ATP10B: variants seen among roughly 807,000 people sequenced by gnomAD.
ATP10B encodes the protein phospholipid-transporting ATPase VB.
A neutral mutation model predicts 141.2 loss-of-function variants in ATP10B; 122 were observed. The ratio of observed to expected loss-of-function variants is 0.86; its 90% confidence interval spans 0.75 to 1.00. The LOEUF is 1.00. Among genes scored for constraint, ATP10B ranks in the 50% least tolerant of loss-of-function variants. The probability of loss-of-function intolerance (pLI) is 0.00; values close to 1 mark genes in which losing one functional copy is unlikely to be tolerated. For missense variants in ATP10B, 1,876 were observed against 1,825.3 expected (o/e 1.03, Z -0.51); for synonymous variants, 685 against 692.0 (o/e 0.99, Z 0.16).
intron 1 of ATP10B, among the ~76,000 whole-genome samples, chr5:160,811,509 G>T (rs1158998874): frequency 6.6e-6 from 1 of 152,106 alleles, no homozygotes; most frequent in African/African-American, 2.4e-5. Context: ...AAGAGCCCTT[G>T]GACTTTAAGG....
intron 3 of ATP10B, among the ~76,000 whole-genome samples, chr5:160,702,899 A>C (rs1032648645): frequency 6.6e-6 from 1 of 152,218 alleles, no homozygotes; most frequent in African/African-American, 2.4e-5. Context: ...ATAGTAGTTT[A>C]TGCCACCTCT....
At chr5:160,705,192 A>C (rs1764931873) in intron 3 of ATP10B, among the ~76,000 whole-genome samples, 1 of 152,030 alleles carries the variant, frequency 6.6e-6, no homozygotes, top group Admixed American at 6.6e-5. Flanking sequence ...TGCTGGGATT[A>C]CAGGCGTGAG....
intron 2 of ATP10B, among the ~76,000 whole-genome samples, chr5:160,771,704 A>G (rs1769916042): frequency 6.6e-6 from 1 of 152,192 alleles, no homozygotes. Flanking sequence ...AGAATACAAT[A>G]TTATTAACTA....
chr5:160,799,290 G>A (rs1245309706), intron 1 of ATP10B, among the ~76,000 whole-genome samples: 1 of 152,162 alleles, frequency 6.6e-6, no homozygotes, highest in East Asian at 1.9e-4. Flanking sequence ...CACACTGGGA[G>A]ATTAGTCATC....
At chr5:160,601,689 A>C (rs1757105783) in intron 21 of ATP10B, among the ~76,000 whole-genome samples, 1 of 152,210 alleles carries the variant, frequency 6.6e-6, no homozygotes, top group Admixed American at 6.5e-5. Context: ...CTCTTGACAC[A>C]GAATTATAGT....
intron 1 of ATP10B, among the ~76,000 whole-genome samples, chr5:160,788,738 T>C (rs1771355699): frequency 1.3e-5 from 2 of 152,154 alleles, no homozygotes; most frequent in South Asian, 4.1e-4. Flanking sequence ...AGTGAATAGC[T>C]ACAGTGGGTA....
In ATP10B at chr5:160,634,401, A is replaced by G; in HGVS notation, c.1334T>C (p.Phe445Ser). 2 of 1,614,168 alleles carry G rather than the reference A, an allele frequency of 1.2e-6. No homozygotes were observed. The highest frequency in any genetic ancestry group is 1.7e-6 in the Non-Finnish European group (2 of 1,180,032). The change falls in exon 12 of 26, where the codon TTC becomes TCC. Residue 445 changes from phenylalanine (F) to serine (S), a missense_variant. Phe to Ser is a radical substitution (Grantham distance 155). Coordinates refer to ENST00000327245, the MANE Select transcript of ATP10B (RefSeq NM_025153.3). The stretch of plus-strand genomic sequence containing the variant: ...GCTGCCCATGATGGTGCAACGTCGG[A>G]ACACCATCTTGTTCTCTGTCAGGGT... ...TGTLTENKMV[F>S]RRCTIMGSEY...
At chr5:160,638,666 C>T (rs910099286) in intron 10 of ATP10B, among the ~76,000 whole-genome samples, 4 of 152,194 alleles carry the variant, frequency 2.6e-5, no homozygotes, top group Non-Finnish European at 5.9e-5. Context: ...CCCTATGAAG[C>T]TCTCAGCCTT....
chr5:160,709,065 C>G (rs779794467), intron 3 of ATP10B, among the ~76,000 whole-genome samples: 10 of 152,138 alleles, frequency 6.6e-5, no homozygotes, highest in Non-Finnish European at 1.3e-4. Flanking sequence ...CCATCAATAA[C>G]TCATATACCA....
At chr5:160,771,948 G>A (rs7733477) in intron 2 of ATP10B, among the ~76,000 whole-genome samples, 23,764 of 152,242 alleles carry the variant, frequency 0.16, 2,683 homozygotes, top group East Asian at 0.43. Context: ...TTAAGACAGA[G>A]GTTAGCCTGG....
the ATP10B span, among the ~76,000 whole-genome samples, chr5:160,889,467 G>T: frequency 6.6e-6 from 1 of 152,188 alleles, no homozygotes; most frequent in Non-Finnish European, 1.5e-5. Context: ...CTGATCAGCT[G>T]ACTGTCCTGC....
At chr5:160,871,464 C>A in the ATP10B span, among the ~76,000 whole-genome samples, 2 of 152,100 alleles carry the variant, frequency 1.3e-5, no homozygotes, top group Admixed American at 1.3e-4. Flanking sequence ...GCACCCATCA[C>A]CTGCGCAGTA....
chr5:160,598,008 T>C (rs1250426405), intron 22 of ATP10B, among the ~76,000 whole-genome samples: 1 of 107,446 alleles, frequency 9.3e-6, no homozygotes, highest in Non-Finnish European at 2.1e-5. Context: ...GATATAGAAC[T>C]AGAAATACCA....
intron 24 of ATP10B, among the ~76,000 whole-genome samples, chr5:160,571,419 A>G (rs2127594745): frequency 6.6e-6 from 1 of 152,298 alleles, no homozygotes; most frequent in South Asian, 2.1e-4. Flanking sequence ...GTTGCTTTAT[A>G]TAGTTTACCA....
chr5:160,763,916 C>T (rs1484385812), intron 2 of ATP10B, among the ~76,000 whole-genome samples: 1 of 152,070 alleles, frequency 6.6e-6, no homozygotes, highest in Non-Finnish European at 1.5e-5. Flanking sequence ...TCATTCAAGG[C>T]TGCTATGAAC....
chr5:160,748,041 G>A (rs1163793814), intron 2 of ATP10B, among the ~76,000 whole-genome samples: 2 of 151,220 alleles, frequency 1.3e-5, no homozygotes, highest in Non-Finnish European at 2.9e-5. Flanking sequence ...GGCGGGGAGC[G>A]CAGAGGGGTT....
chr5:160,823,017 TATATATATATATATATATAAA>T (rs1561894472), intron 1 of ATP10B, among the ~76,000 whole-genome samples: 21 of 121,052 alleles, frequency 1.7e-4, no homozygotes, highest in Non-Finnish European at 1.2e-4. Context: ...TATATATATA[TATATATATATATATATATAAA>T]ATAAAGAGTG....
chr5:160,595,232 G>A (rs376407106), intron 22 of ATP10B, among the ~76,000 whole-genome samples: 4 of 152,174 alleles, frequency 2.6e-5, no homozygotes, highest in Non-Finnish European at 5.9e-5. Context: ...TCAGGATTAA[G>A]AATCTCACTC....
At chr5:160,755,822 AAAAAAAAAAAAAAAAAATATAT>A (rs1172163216) in intron 2 of ATP10B, among the ~76,000 whole-genome samples, 9 of 56,606 alleles carry the variant, frequency 1.6e-4, no homozygotes, top group South Asian at 1.0e-3. Flanking sequence ...CTCAAAAAAA[AAAAAAAAAAAAAAAAAATATAT>A]ATATATATAT....
Sources: allele counts gnomAD v4.1 joint callset (sites outside exome capture counted in the v4.1 genomes callset), GRCh38; gene constraint gnomAD v4.1.1; transcripts MANE v1.5; gene names NCBI Gene and HGNC (gene_info 2026-07-23, HGNC 2026-07-21).